The following GYG2 variants were observed in gnomAD, a reference collection of about 807,000 sequenced individuals.
GYG2 encodes the protein glycogenin-2.
In GYG2, 29 loss-of-function variants were observed where a neutral mutation model predicts 29.4. The ratio of observed to expected loss-of-function variants is 0.99; its 90% CI spans 0.74 to 1.35. The LOEUF is 1.35. GYG2 is among the 40% of genes most tolerant of loss of function. The pLI is 0.00. For missense variants in GYG2, 370 were observed against 385.7 expected, an observed-to-expected ratio of 0.96 and a Z score of 0.34; for synonymous variants, 167 against 172.3, an observed-to-expected ratio of 0.97 and a Z score of 0.24.
intron 2 of GYG2, among the ~76,000 whole-genome samples, chrX:2,842,374 T>G (rs76459172): frequency 9.3e-6 from 1 of 107,054 alleles, no homozygotes; most frequent in Non-Finnish European, 1.9e-5. Flanking sequence ...TTTTTTTTTT[T>G]CCAGTACAGA....
At chrX:2,880,632 G>A (rs757716742) in intron 10 of GYG2, among the ~76,000 whole-genome samples, 1 of 112,159 alleles carries the variant, frequency 8.9e-6, no homozygotes, top group Admixed American at 9.5e-5. Flanking sequence ...GTGCTGCTGG[G>A]TGTGGAGGCT....
intron 8 of GYG2, among the ~76,000 whole-genome samples, chrX:2,872,759 G>T (rs754314186): frequency 4.1e-4 from 46 of 111,690 alleles, no homozygotes; most frequent in Non-Finnish European, 7.9e-4. Context: ...TTCTTTGCCT[G>T]TCTGGCTGCT....
intron 3 of GYG2, among the ~76,000 whole-genome samples, chrX:2,845,764 T>C (rs1432963278): frequency 1.9e-5 from 2 of 105,126 alleles, no homozygotes; most frequent in Non-Finnish European, 3.9e-5. Context: ...TGTATGTATA[T>C]ATATGCATGT....
At position 2,835,993 on chromosome X, in the gene GYG2, G is replaced by GT. The variant is rs897389704; in HGVS notation, c.7+5804dup. Among the ~76,000 whole-genome samples, 8 of 110,669 alleles carry GT rather than the reference G, an allele frequency of 7.2e-5. No homozygotes were observed. The East Asian group carries it at 8.6e-4, about 12-fold the overall frequency. On this transcript the variant is annotated intron_variant, in intron 2 of 10. Coordinates refer to ENST00000398806, the MANE Select transcript of GYG2 (RefSeq NM_001079855.2). The stretch of plus-strand genomic sequence containing the variant: ...CAGGAAGATCTCTGAGGGATGGGTG[G>GT]TTTTTTCCATGGCCACCATGTGCTG...
chrX:2,851,354 T>C (rs2087868003), intron 3 of GYG2, among the ~76,000 whole-genome samples: 1 of 111,688 alleles, frequency 9.0e-6, no homozygotes, highest in Non-Finnish European at 1.9e-5. Context: ...CAAGCAATTC[T>C]CATGCCTCAG....
At chrX:2,831,810 G>T (rs780035021) in intron 2 of GYG2, among the ~76,000 whole-genome samples, 6 of 111,339 alleles carry the variant, frequency 5.4e-5, no homozygotes, top group Non-Finnish European at 1.1e-4. Flanking sequence ...GAGTGCAGGG[G>T]GGCAGGCAAG....
At chrX:2,844,189 G>C (rs2087570347) in intron 3 of GYG2, among the ~76,000 whole-genome samples, 1 of 111,983 alleles carries the variant, frequency 8.9e-6, no homozygotes, top group African/African-American at 3.2e-5. Flanking sequence ...CATATTCTTT[G>C]ACAATGAAAT....
intron 3 of GYG2, among the ~76,000 whole-genome samples, chrX:2,846,081 TTTTG>T (rs1224160304): frequency 1.9e-5 from 1 of 51,982 alleles, no homozygotes; most frequent in Non-Finnish European, 3.4e-5. Flanking sequence ...TTTTTTTTTT[TTTTG>T]AGACAGAGTC....
chrX:2,853,305 G>C (rs752195865), intron 3 of GYG2, among the ~76,000 whole-genome samples: 3 of 111,217 alleles, frequency 2.7e-5, no homozygotes, highest in Non-Finnish European at 5.7e-5. Flanking sequence ...CCGCCTCCCG[G>C]GTTCAAGCGA....
At chrX:2,869,614 T>C (rs2088406616) in intron 8 of GYG2, among the ~76,000 whole-genome samples, 1 of 112,450 alleles carries the variant, frequency 8.9e-6, no homozygotes, top group Non-Finnish European at 1.9e-5. Flanking sequence ...TTGGTATATA[T>C]AATGATGGCA....
chrX:2,865,036 A>G (rs1458603604), intron 8 of GYG2, among the ~76,000 whole-genome samples: 1 of 111,499 alleles, frequency 9.0e-6, no homozygotes, highest in Admixed American at 9.6e-5. Flanking sequence ...TGGGATTACA[A>G]GTGTGAGCCA....
In GYG2 at chrX:2,856,526, C is replaced by G. The variant is rs754840945; in HGVS notation, c.516C>G (p.Phe172Leu). ...CAGACCAAGGCTTACTGAATAGTTT[C>G]TTCAGGAACTGGTCGACCACAGACA... is the stretch of plus-strand genomic sequence containing the variant. ...DGADQGLLNS[F>L]FRNWSTTDIH... Residue 172 changes from phenylalanine (F) to leucine (L), a missense_variant, in exon 6 of 11, where the codon TTC becomes TTG. By Grantham distance (22) the Phe-to-Leu change is conservative (BLOSUM62 0). Coordinates refer to ENST00000398806, the MANE Select transcript of GYG2 (RefSeq NM_001079855.2). The G allele has an allele frequency of 1.7e-6, 2 of 1,207,583 alleles. No individual in the cohort carries two copies. Among genetic ancestry groups the G allele is most frequent in the Non-Finnish European group, 2.2e-6 (2 of 892,199 alleles).
intron 3 of GYG2, chrX:2,852,943 A>G (rs2087900633): frequency 8.9e-6 from 1 of 112,355 alleles, no homozygotes; most frequent in Admixed American, 9.5e-5. Context: ...ATCAAAAGGT[A>G]CAGCTGAAGA....
intron 7 of GYG2, 26 bp from the exon 8 acceptor site, chrX:2,861,496 C>G (rs1230198505): frequency 1.7e-6 from 2 of 1,153,169 alleles, no homozygotes; most frequent in Non-Finnish European, 1.2e-6. Flanking sequence ...AGGGAAGACT[C>G]ACTCCACGTG....
In GYG2 at chrX:2,882,260, A is replaced by G. The variant is rs1199391377; in HGVS notation, c.*1047A>G. On this transcript the variant is annotated 3_prime_UTR_variant, in exon 11 of 11. Transcript: ENST00000398806. Reference sequence around the variant, plus strand: ...TGTCGTTAAAAATGGGCATGGTTGTAATAAAGGAGGAAAGTGCGACTTTTG... The same window carrying G: ...TGTCGTTAAAAATGGGCATGGTTGTGATAAAGGAGGAAAGTGCGACTTTTG... 3.6e-5 allele frequency: 4 copies of G among 109,929 alleles called. No homozygotes were observed. The highest frequency in any genetic ancestry group is 1.3e-4 in the African/African-American group (4 of 30,106). The allele number at this position is 109,929 out of a possible 1,213,427, so 9.1% of individuals were successfully genotyped here.
intron 2 of GYG2, among the ~76,000 whole-genome samples, chrX:2,837,921 C>G (rs1168944204): frequency 9.1e-6 from 1 of 110,081 alleles, no homozygotes; most frequent in Non-Finnish European, 1.9e-5. Flanking sequence ...CTCTGTAACC[C>G]AAGCTGGAGT....
chrX:2,852,789 T>G (rs1489503217), intron 3 of GYG2: 2 of 111,709 alleles, frequency 1.8e-5, no homozygotes, highest in Non-Finnish European at 3.8e-5. Flanking sequence ...ATATTAATAT[T>G]TATTACTATA....
chrX:2,849,220 C>T (rs1163557635), intron 3 of GYG2, among the ~76,000 whole-genome samples: 1 of 111,324 alleles, frequency 9.0e-6, no homozygotes, highest in Non-Finnish European at 1.9e-5. Flanking sequence ...TTGCCCTCCC[C>T]CCAGCCCGGA....
intron 3 of GYG2, among the ~76,000 whole-genome samples, chrX:2,847,719 TAA>T (rs754268997): frequency 1.0e-3 from 103 of 100,645 alleles, no homozygotes; most frequent in African/African-American, 3.5e-3. Flanking sequence ...AATAAATAAA[TAA>T]ATAAATAAAT....
Sources: allele counts gnomAD v4.1 joint callset (sites outside exome capture counted in the v4.1 genomes callset), GRCh38; gene constraint gnomAD v4.1.1; transcripts MANE v1.5; gene names NCBI Gene and HGNC (gene_info 2026-07-23, HGNC 2026-07-21).